Variants in NAV2 observed in about 807,000 individuals in gnomAD.
NAV2 encodes helicase, APC down-regulated 1.
Under a neutral mutation model 223.2 loss-of-function variants are expected in NAV2, and 54 were observed. The observed-to-expected ratio is 0.24, with a 90% CI of 0.19 to 0.30. NAV2 has a LOEUF of 0.30. Ranked by LOEUF, NAV2 falls within the 10% of genes least tolerant of loss-of-function variation. The pLI is 1.00. For synonymous variants in NAV2, 1,279 were observed against 1,239.3 expected, an observed-to-expected ratio of 1.03 and a Z score of -0.67; for missense variants, 2,806 against 3,147.5, an observed-to-expected ratio of 0.89 and a Z score of 2.60.
intron 1 of NAV2, among the ~76,000 whole-genome samples, chr11:19,638,800 C>A (rs1184936573): frequency 6.6e-6 from 1 of 152,120 alleles, no homozygotes; most frequent in African/African-American, 2.4e-5. Flanking sequence ...CGAGACCAGC[C>A]TGACCAACAC....
chr11:19,903,636 G>A (rs1164062696), intron 6 of NAV2, among the ~76,000 whole-genome samples: 1 of 150,310 alleles, frequency 6.7e-6, no homozygotes, highest in East Asian at 1.9e-4. Context: ...ACATAGCTTG[G>A]AAAAAGAAAA....
In NAV2 at chr11:20,120,184, G is replaced by A. The variant is rs992355012; in HGVS notation, c.*1926G>A. On this transcript the variant is annotated 3_prime_UTR_variant, in exon 38 of 38. Coordinates refer to ENST00000349880, the MANE Select transcript of NAV2 (RefSeq NM_145117.5). ...GTTTCTTACCATAAGAGTTTGACCC[G>A]AAACTGCTCACTTCACATTGGATGA... is the stretch of plus-strand genomic sequence containing the variant. The A allele has an allele frequency of 3.3e-5, 5 of 152,054 alleles. No homozygotes were observed. The highest frequency in any genetic ancestry group is 9.7e-5 in the African/African-American group (4 of 41,400). The allele number at this position is 152,054 out of a possible 1,614,324, so 9.4% of individuals were successfully genotyped here. A position where few individuals can be genotyped will look rare whatever the true frequency, so the allele number is the denominator to read the frequency against.
At chr11:19,490,263 G>C (rs1001438981) in intron 1 of NAV2, among the ~76,000 whole-genome samples, 1 of 152,092 alleles carries the variant, frequency 6.6e-6, no homozygotes, top group Middle Eastern at 3.2e-3. Context: ...CTTAAAATAA[G>C]TCAACAATGA....
intron 6 of NAV2, among the ~76,000 whole-genome samples, chr11:19,899,258 T>TCAG (rs34981611): frequency 2.6e-5 from 4 of 152,212 alleles, no homozygotes; most frequent in African/African-American, 9.6e-5. Flanking sequence ...TTTATAACCT[T>TCAG]CAGCACTATG....
Position 20,101,208 on chromosome 11 carries a change from G to A in NAV2, c.6417+36G>A, listed in dbSNP as rs1316226782. 1.9e-6 allele frequency: 3 copies of A among 1,555,632 alleles called. No individual in the cohort carries two copies. In the African/African-American group the frequency reaches 4.1e-5, roughly 21 times the overall value. On this transcript the variant is annotated intron_variant, in intron 32 of 37. Transcript: ENST00000349880. The stretch of plus-strand genomic sequence containing the variant: ...CATTCTGAGTCTGCTGTATTTTTTG[G>A]CCCTTTCAAAACTGATGATATCACC...
intron 11 of NAV2, among the ~76,000 whole-genome samples, chr11:20,017,929 ATCCAGGAGAGCTT>A (rs1349323795): frequency 6.6e-6 from 1 of 152,080 alleles, no homozygotes; most frequent in Non-Finnish European, 1.5e-5. Flanking sequence ...TTGTTCATTC[ATCCAGGAGAGCTT>A]TCCTTCCTCC....
At chr11:19,467,448 A>G (rs965568343) in intron 1 of NAV2, among the ~76,000 whole-genome samples, 2 of 152,226 alleles carry the variant, frequency 1.3e-5, no homozygotes, top group Admixed American at 6.5e-5. Context: ...TGAACTTAAG[A>G]CAAGAAAATC....
At chr11:20,086,996 T>A (rs1409071775) in intron 26 of NAV2, among the ~76,000 whole-genome samples, 1 of 152,018 alleles carries the variant, frequency 6.6e-6, no homozygotes, top group Non-Finnish European at 1.5e-5. Flanking sequence ...CTGGAAGAGT[T>A]CTCCAAGGGG....
intron 1 of NAV2, among the ~76,000 whole-genome samples, chr11:19,363,794 C>A (rs1213817727): frequency 6.6e-6 from 1 of 152,146 alleles, no homozygotes; most frequent in African/African-American, 2.4e-5. Flanking sequence ...TGATGATTTG[C>A]TAGAATAGCT....
At chr11:19,373,209 A>T (rs772069829) in intron 1 of NAV2, among the ~76,000 whole-genome samples, 15 of 152,098 alleles carry the variant, frequency 9.9e-5, no homozygotes, top group Non-Finnish European at 1.9e-4. Flanking sequence ...GGGATTTTGT[A>T]GGTGATCTTA....
intron 24 of NAV2, among the ~76,000 whole-genome samples, chr11:20,079,821 A>G (rs141457732): frequency 6.6e-5 from 10 of 152,256 alleles, no homozygotes; most frequent in Admixed American, 6.5e-4. Flanking sequence ...AATTCTCCCT[A>G]CACCTCCCTT....
rs1564913846 is a variant in NAV2 at position 19,408,825 on chromosome 11, G to GAGGC, written c.75+57798_75+57799insAGGC. ...TACAGCCTCTTTTTTCTGGCGGGGT[G>GAGGC]GGGGGATGTTAATACTCCAAACTGA... On this transcript the variant is annotated intron_variant, in intron 1 of 37. Coordinates refer to the NAV2 transcript ENST00000360655. 6.9e-5 allele frequency among the ~76,000 whole-genome samples: 9 copies of GAGGC among 131,236 alleles called. No homozygotes were observed. The East Asian group carries it at 1.8e-3, about 27-fold the overall frequency. The allele number at this position is 131,236 out of a possible 152,430, so 86.1% of individuals were successfully genotyped here. A position where few individuals can be genotyped will look rare whatever the true frequency, so the allele number is the denominator to read the frequency against.
chr11:19,802,345 T>G (rs1310257895), intron 1 of NAV2, among the ~76,000 whole-genome samples: 1 of 152,104 alleles, frequency 6.6e-6, no homozygotes, highest in Non-Finnish European at 1.5e-5. Context: ...CCCAGAATTC[T>G]CTGATTCTGG....
At chr11:20,062,854 C>A (rs1458705888) in intron 20 of NAV2, among the ~76,000 whole-genome samples, 1 of 152,134 alleles carries the variant, frequency 6.6e-6, no homozygotes, top group Non-Finnish European at 1.5e-5. Flanking sequence ...GCCACCACGC[C>A]CAGCTAATTT....
intron 22 of NAV2, among the ~76,000 whole-genome samples, chr11:20,072,345 G>C (rs2059456605): frequency 6.6e-6 from 1 of 152,152 alleles, no homozygotes; most frequent in Admixed American, 6.5e-5. Context: ...CTGTAGCCTT[G>C]TAGTATAGTT....
chr11:19,842,021 G>A (rs1284919246), intron 2 of NAV2, among the ~76,000 whole-genome samples: 1 of 152,132 alleles, frequency 6.6e-6, no homozygotes, highest in Non-Finnish European at 1.5e-5. Flanking sequence ...CTCTGCAGCT[G>A]GAATTCACGC....
chr11:19,815,828 T>C (rs2059064288), intron 1 of NAV2, among the ~76,000 whole-genome samples: 1 of 152,114 alleles, frequency 6.6e-6, no homozygotes, highest in Non-Finnish European at 1.5e-5. Context: ...GATTGGATTG[T>C]ATTTACAAAA....
At chr11:19,802,711 CAA>C (rs35777344) in intron 1 of NAV2, among the ~76,000 whole-genome samples, 10 of 117,008 alleles carry the variant, frequency 8.5e-5, no homozygotes, top group East Asian at 2.5e-4. Flanking sequence ...CCCTGTCTCT[CAA>C]AAAAAAAAAA....
intron 1 of NAV2, among the ~76,000 whole-genome samples, chr11:19,665,271 C>A (rs1319173161): frequency 6.6e-6 from 1 of 152,216 alleles, no homozygotes; most frequent in Non-Finnish European, 1.5e-5. Context: ...TAGGCTGCAG[C>A]CGACTGGCCA....
Sources: allele counts gnomAD v4.1 joint callset (sites outside exome capture counted in the v4.1 genomes callset), GRCh38; gene constraint gnomAD v4.1.1; transcripts MANE v1.5; gene names NCBI Gene and HGNC (gene_info 2026-07-23, HGNC 2026-07-21).